PCDH7: variants seen among roughly 807,000 people sequenced by gnomAD.
PCDH7 encodes the protein protocadherin 7.
In PCDH7, 17 loss-of-function variants were observed where a neutral mutation model predicts 58.9. The observed-to-expected ratio is 0.29, with a 90% CI of 0.20 to 0.43. The LOEUF (loss-of-function observed/expected upper bound fraction) is 0.43. Ranked by LOEUF, PCDH7 falls within the 20% of genes least tolerant of loss-of-function variation. The pLI is 1.00. For missense variants in PCDH7, 1,274 were observed against 1,441.0 expected, an observed-to-expected ratio of 0.88 and a Z score of 1.88; for synonymous variants, 664 against 616.4, an observed-to-expected ratio of 1.08 and a Z score of -1.14.
chr4:31,070,003 C>G, intron 3 of PCDH7, among the ~76,000 whole-genome samples: 1 of 151,962 alleles, frequency 6.6e-6, no homozygotes, highest in East Asian at 1.9e-4. Flanking sequence ...TTATTGAGAT[C>G]TTTAGATTAA....
intron 3 of PCDH7, among the ~76,000 whole-genome samples, chr4:30,953,273 T>G (rs1560530391): frequency 6.6e-6 from 1 of 152,170 alleles, no homozygotes; most frequent in African/African-American, 2.4e-5. Context: ...ACAAAATAAT[T>G]TCTATTTTTT....
chr4:31,037,692 C>T (rs1043693688), intron 3 of PCDH7, among the ~76,000 whole-genome samples: 1 of 152,194 alleles, frequency 6.6e-6, no homozygotes, highest in African/African-American at 2.4e-5. Context: ...TCTTTCATAT[C>T]CATTGCTCTC....
chr4:30,872,654 G>T (rs749450999), intron 1 of PCDH7, among the ~76,000 whole-genome samples: 1 of 151,956 alleles, frequency 6.6e-6, no homozygotes, highest in African/African-American at 2.4e-5. Flanking sequence ...ATAAAATGAG[G>T]ACAATTCCTA....
intron 3 of PCDH7, among the ~76,000 whole-genome samples, chr4:31,124,847 T>C (rs1454741498): frequency 6.6e-6 from 1 of 152,206 alleles, no homozygotes; most frequent in Non-Finnish European, 1.5e-5. Context: ...GAAATAACTG[T>C]CCAAATCATA....
intron 3 of PCDH7, among the ~76,000 whole-genome samples, chr4:30,986,946 A>C (rs981321354): frequency 2.6e-5 from 4 of 151,900 alleles, no homozygotes; most frequent in Non-Finnish European, 5.9e-5. Flanking sequence ...ACGCCACTGC[A>C]CTCCAGCCTG....
downstream of PCDH7, among the ~76,000 whole-genome samples, chr4:30,733,168 A>G (rs1318444889): frequency 2.0e-5 from 3 of 152,232 alleles, no homozygotes; most frequent in Non-Finnish European, 2.9e-5. Context: ...GGACAGGTTT[A>G]GACAGAGCAA....
intron 3 of PCDH7, among the ~76,000 whole-genome samples, chr4:30,968,871 T>A (rs565942491): frequency 7.9e-4 from 120 of 152,252 alleles, no homozygotes; most frequent in African/African-American, 2.6e-3. Context: ...ATACATCTTG[T>A]TTCTTTACCC....
At chr4:31,033,020 T>C (rs6448735) in intron 3 of PCDH7, among the ~76,000 whole-genome samples, 2,889 of 152,292 alleles carry the variant, frequency 0.019, 83 homozygotes, top group African/African-American at 0.065. Context: ...TTAAGTTTAC[T>C]TTTGGACAGG....
intron 1 of PCDH7, among the ~76,000 whole-genome samples, chr4:30,752,218 C>T (rs570261116): frequency 6.6e-6 from 1 of 152,244 alleles, no homozygotes; most frequent in Non-Finnish European, 1.5e-5. Flanking sequence ...ACTGCAACTT[C>T]CGCCTGCGGG....
intron 1 of PCDH7, among the ~76,000 whole-genome samples, chr4:30,871,327 G>T (rs1355130743): frequency 1.3e-5 from 2 of 152,050 alleles, no homozygotes; most frequent in Non-Finnish European, 2.9e-5. Flanking sequence ...TCTGTTCAGT[G>T]TTCAGACTTT....
At chr4:30,815,140 A>G (rs1727506806) in intron 1 of PCDH7, among the ~76,000 whole-genome samples, 1 of 152,014 alleles carries the variant, frequency 6.6e-6, no homozygotes, top group South Asian at 2.1e-4. Context: ...GTGCATGCAT[A>G]TATAAATTAT....
chr4:31,058,307 T>A (rs1386198245), intron 3 of PCDH7, among the ~76,000 whole-genome samples: 4 of 152,112 alleles, frequency 2.6e-5, no homozygotes, highest in African/African-American at 9.6e-5. Context: ...TAATCCATTC[T>A]GTTTAATAGA....
rs551045568 is a variant in PCDH7, at chr4:30,801,706, T to C, written c.70+77110T>C. ...AGCTTCATGAATCATGAAGTGGAAC[T>C]CACAAGGTCATACTGGAGGATGAAG... On this transcript the variant is annotated intron_variant, in intron 1 of 3. Transcript: ENST00000509759. Among the ~76,000 whole-genome samples, 27 of 152,252 alleles carry C rather than the reference T, an allele frequency of 1.8e-4. 1 individual carries two copies. The South Asian group carries it at 5.4e-3, about 30-fold the overall frequency.
At chr4:30,997,813 C>A (rs1156516034) in intron 3 of PCDH7, among the ~76,000 whole-genome samples, 1 of 152,006 alleles carries the variant, frequency 6.6e-6, no homozygotes, top group Non-Finnish European at 1.5e-5. Flanking sequence ...TCAGGCCAAA[C>A]AAATTATCTT....
At chr4:30,741,208 A>C (rs1717027682) in intron 1 of PCDH7, among the ~76,000 whole-genome samples, 1 of 152,036 alleles carries the variant, frequency 6.6e-6, no homozygotes, top group African/African-American at 2.4e-5. Flanking sequence ...CTGTTTCCTT[A>C]GTCCACTTAT....
In PCDH7 at chr4:30,722,511, G is replaced by A. The variant is rs1577525778; in HGVS notation, c.1089G>A (p.Thr363=). ...GGCGGCTGCTGCGCCTTGACGAGAC[G>A]TCCGGCTGGCTCAGCGTCCTGCACC... The change falls in exon 1 of 2, where the codon ACG becomes ACA. Residue 363 remains threonine (T), a synonymous_variant. Coordinates refer to ENST00000361762, the Ensembl canonical transcript of PCDH7. This position sits in a 1 kb window ranked among gnomAD's most constrained non-coding sequence, Gnocchi z 7.6. 6.2e-7 allele frequency: 1 copy of A among 1,610,312 alleles called. No homozygotes were observed. Among genetic ancestry groups the A allele is most frequent in the South Asian group, 1.1e-5 (1 of 90,922 alleles).
At chr4:30,802,629 G>A (rs1725673501) in intron 1 of PCDH7, among the ~76,000 whole-genome samples, 1 of 151,922 alleles carries the variant, frequency 6.6e-6, no homozygotes, top group African/African-American at 2.4e-5. Flanking sequence ...AGATATAGAG[G>A]AGGGAAGCGG....
At chr4:30,928,983 A>G (rs1397639247) in intron 2 of PCDH7, among the ~76,000 whole-genome samples, 1 of 152,192 alleles carries the variant, frequency 6.6e-6, no homozygotes, top group Non-Finnish European at 1.5e-5. Context: ...AGCAGAAACT[A>G]AATCCAGATC....
intron 1 of PCDH7, among the ~76,000 whole-genome samples, chr4:30,864,468 C>CACACACACAT (rs5857209): frequency 1.2e-4 from 18 of 144,064 alleles, no homozygotes; most frequent in African/African-American, 4.6e-4. Context: ...CACACACACA[C>CACACACACAT]ATTTTTTGTT....
Sources: allele counts gnomAD v4.1 joint callset (sites outside exome capture counted in the v4.1 genomes callset), GRCh38; gene constraint gnomAD v4.1.1; non-coding constraint Gnocchi (gnomAD v3.1); transcripts MANE v1.5; gene names NCBI Gene and HGNC (gene_info 2026-07-23, HGNC 2026-07-21).